SLC24A3: variants seen among roughly 807,000 people sequenced by gnomAD.
SLC24A3 encodes sodium/potassium/calcium exchanger 3.
A neutral mutation model predicts 75.8 loss-of-function variants in SLC24A3; 28 were observed. The ratio of observed to expected loss-of-function variants is 0.37; its 90% CI spans 0.27 to 0.51. SLC24A3 has a LOEUF of 0.51. SLC24A3 is among the 20% of genes least tolerant of loss of function. The probability of loss-of-function intolerance (pLI) is 0.94; values close to 1 mark genes in which losing one functional copy is unlikely to be tolerated. For synonymous variants in SLC24A3, 372 were observed against 334.1 expected, an observed-to-expected ratio of 1.11 and a Z score of -1.24; for missense variants, 663 against 847.8, an observed-to-expected ratio of 0.78 and a Z score of 2.71.
chr20:19,395,258 A>G (rs910737601), intron 2 of SLC24A3, among the ~76,000 whole-genome samples: 3 of 152,332 alleles, frequency 2.0e-5, no homozygotes, highest in East Asian at 3.9e-4. Context: ...TTCTGGGGAC[A>G]GGTTGCACAA....
intron 2 of SLC24A3, among the ~76,000 whole-genome samples, chr20:19,436,956 G>A (rs1987215240): frequency 6.6e-6 from 1 of 152,218 alleles, no homozygotes; most frequent in South Asian, 2.1e-4. Flanking sequence ...GGCAGTGGGG[G>A]CTAGGTGTAC....
At chr20:19,411,527 G>A (rs1331352321) in intron 2 of SLC24A3, among the ~76,000 whole-genome samples, 2 of 152,186 alleles carry the variant, frequency 1.3e-5, no homozygotes, top group Non-Finnish European at 2.9e-5. Flanking sequence ...GCATCCAGCA[G>A]CAAGAAGGAA....
chr20:19,387,132 A>G (rs1334502500), intron 2 of SLC24A3, among the ~76,000 whole-genome samples: 1 of 152,112 alleles, frequency 6.6e-6, no homozygotes, highest in Non-Finnish European at 1.5e-5. Flanking sequence ...TTGTTGTTAC[A>G]TAATTGTTCA....
chr20:19,324,918 T>C (rs1308499491), intron 2 of SLC24A3, among the ~76,000 whole-genome samples: 1 of 152,156 alleles, frequency 6.6e-6, no homozygotes, highest in East Asian at 1.9e-4. Flanking sequence ...AAAAATCCAA[T>C]GTCTTCACTT....
rs1429656235 is a variant in SLC24A3, at chr20:19,685,290, A to G, written c.1253A>G (p.Asn418Ser). 4 of 1,613,978 alleles carry G rather than the reference A, an allele frequency of 2.5e-6. No individual in the cohort carries two copies. Among genetic ancestry groups the G allele is most frequent in the African/African-American group, 2.7e-5 (2 of 74,910 alleles). Residue 418 changes from asparagine to serine, a missense_variant, in exon 12 of 17, where the codon AAT becomes AGT. This residue lies in a region of SLC24A3 where 510 missense variants were observed against 703.6 expected (regional missense o/e 0.72). Coordinates refer to ENST00000328041, the MANE Select transcript of SLC24A3 (RefSeq NM_020689.4). ...GNETENENED[N>S]ENDEEEEEDE... is the part of the protein sequence containing the mutation. ...GAAACAGAGAATGAAAATGAGGACA[A>G]TGAGAATGATGAGGAGGAAGAGGAG...
intron 2 of SLC24A3, among the ~76,000 whole-genome samples, chr20:19,397,290 C>T (rs1172325644): frequency 6.6e-6 from 1 of 152,218 alleles, no homozygotes; most frequent in Non-Finnish European, 1.5e-5. Context: ...TTTTTCTCCT[C>T]TCAAGATACA....
chr20:19,628,781 G>A (rs974206240), intron 6 of SLC24A3, among the ~76,000 whole-genome samples: 4 of 152,126 alleles, frequency 2.6e-5, no homozygotes, highest in South Asian at 4.2e-4. Flanking sequence ...CACTTCAGCT[G>A]GGAAATTATA....
chr20:19,678,122 C>T lies in SLC24A3; in HGVS notation c.768-3736C>T, dbSNP rs1044874437. Among the ~76,000 whole-genome samples, 9 of 150,376 alleles carry T rather than the reference C, an allele frequency of 6.0e-5. No individual in the cohort carries two copies. The South Asian group carries it at 1.1e-3, about 18-fold the overall frequency. Reference sequence around the variant, plus strand: ...ATGTCTACTTCTTTCTACACAGACACGGCAACCATTCGATTTCTCAATCTT... The same window carrying T: ...ATGTCTACTTCTTTCTACACAGACATGGCAACCATTCGATTTCTCAATCTT... On this transcript the variant is annotated intron_variant, in intron 9 of 16. Coordinates refer to ENST00000328041, the MANE Select transcript of SLC24A3 (RefSeq NM_020689.4).
At chr20:19,335,804 A>G (rs1985117974) in intron 2 of SLC24A3, among the ~76,000 whole-genome samples, 1 of 152,220 alleles carries the variant, frequency 6.6e-6, no homozygotes, top group Admixed American at 6.5e-5. Flanking sequence ...GTTAGCATCA[A>G]TTAACTTGTA....
At chr20:19,333,044 G>A (rs1029665688) in intron 2 of SLC24A3, among the ~76,000 whole-genome samples, 16 of 152,178 alleles carry the variant, frequency 1.1e-4, no homozygotes, top group African/African-American at 3.9e-4. Flanking sequence ...TTTGTTGTGG[G>A]ATCATCCTGC....
At chr20:19,431,393 T>C (rs1987100518) in intron 2 of SLC24A3, among the ~76,000 whole-genome samples, 1 of 152,066 alleles carries the variant, frequency 6.6e-6, no homozygotes, top group African/African-American at 2.4e-5. Flanking sequence ...CATCCACGTG[T>C]GGATGGCTGT....
At position 19,692,155 on chromosome 20, in the gene SLC24A3, TTATAA is replaced by T. The variant is rs529991600; in HGVS notation, c.1325-1098_1325-1094del. Among the ~76,000 whole-genome samples, 40 of 152,344 alleles carry T rather than the reference TTATAA, an allele frequency of 2.6e-4. No homozygotes were observed. In the South Asian group the frequency reaches 6.6e-3, roughly 25 times the overall value. ...TAAACATTTAATTACTGTTCAAATG[TTATAA>T]TATAAAAATTCCTCCTTAACTCTGG... is the stretch of plus-strand genomic sequence containing the variant. On this transcript the variant is annotated intron_variant, in intron 12 of 16. Transcript: ENST00000328041.
In SLC24A3 at chr20:19,698,437, GGC is replaced by G; in HGVS notation, c.1607-130_1607-129del. 3.3e-6 allele frequency: 2 copies of G among 598,414 alleles called. 1 individual carries two copies. Among genetic ancestry groups the G allele is most frequent in the South Asian group, 4.4e-5 (2 of 45,308 alleles). 37.1% of individuals were successfully genotyped at this position (598,414 alleles called of 1,614,324 possible). ...CATGTCATCCTTTCACATGGGTGAT[GGC>G]CTTGAAAGAGAAGCACATATGTGAG... On this transcript the variant is annotated intron_variant, in intron 14 of 16. Coordinates refer to ENST00000328041, the MANE Select transcript of SLC24A3 (RefSeq NM_020689.4).
At chr20:19,436,527 G>A (rs1261637021) in intron 2 of SLC24A3, among the ~76,000 whole-genome samples, 3 of 152,228 alleles carry the variant, frequency 2.0e-5, no homozygotes, top group African/African-American at 7.2e-5. Flanking sequence ...ATGCTCCCAG[G>A]AGCTTTGTGG....
chr20:19,580,322 A>G (rs1224602282), intron 4 of SLC24A3, among the ~76,000 whole-genome samples: 1 of 152,096 alleles, frequency 6.6e-6, no homozygotes, highest in Non-Finnish European at 1.5e-5. Context: ...CCCCAACTCC[A>G]TTTAGACCTA....
intron 3 of SLC24A3, 126 bp downstream of exon 3, chr20:19,515,690 G>A (rs2029974261): frequency 3.3e-6 from 3 of 899,690 alleles, no homozygotes; most frequent in Admixed American, 4.5e-5. Flanking sequence ...CCTGGTGGGG[G>A]TCCTTCGAGC....
At chr20:19,241,749 A>G (rs1310694369) in intron 1 of SLC24A3, among the ~76,000 whole-genome samples, 1 of 152,126 alleles carries the variant, frequency 6.6e-6, no homozygotes, top group Non-Finnish European at 1.5e-5. Context: ...TGCTCCTTCC[A>G]GGCTGGTGGC....
At chr20:19,648,298 G>C (rs2032161652) in intron 6 of SLC24A3, among the ~76,000 whole-genome samples, 1 of 152,178 alleles carries the variant, frequency 6.6e-6, no homozygotes, top group African/African-American at 2.4e-5. Context: ...ATTGGCTGTA[G>C]AAATTGTGTC....
At chr20:19,371,307 G>A (rs963983797) in intron 2 of SLC24A3, among the ~76,000 whole-genome samples, 2 of 152,226 alleles carry the variant, frequency 1.3e-5, no homozygotes, top group Non-Finnish European at 1.5e-5. Flanking sequence ...TAATGTCTGT[G>A]TGTGAGAGTG....
Sources: gnomAD v4.1 joint callset for allele counts (sites outside exome capture counted in the v4.1 genomes callset) on GRCh38, gnomAD v4.1.1 for gene constraint, gnomAD v4.1.1 regional missense constraint, MANE v1.5 for transcripts, NCBI Gene and HGNC (gene_info 2026-07-23, HGNC 2026-07-21) for gene names.